ASTN2: variants seen among roughly 807,000 people sequenced by gnomAD.
ASTN2 encodes the protein astrotactin 2.
A neutral mutation model predicts 139.8 loss-of-function variants in ASTN2; 54 were observed. That is an observed-to-expected ratio of 0.39 (90% confidence interval 0.31 to 0.48). The LOEUF (loss-of-function observed/expected upper bound fraction) is 0.48. ASTN2 is among the 20% of genes least tolerant of loss of function. ASTN2 has a pLI of 0.95. For synonymous variants in ASTN2, 756 were observed against 719.5 expected, an observed-to-expected ratio of 1.05 and a Z score of -0.81; for missense variants, 1,565 against 1,725.1, an observed-to-expected ratio of 0.91 and a Z score of 1.64.
At chr9:116,824,925 T>C (rs1831584362) in intron 11 of ASTN2, among the ~76,000 whole-genome samples, 1 of 152,224 alleles carries the variant, frequency 6.6e-6, no homozygotes, top group Non-Finnish European at 1.5e-5. Context: ...ATAAAAACTC[T>C]GCAAACTAGG....
At chr9:116,730,013 G>C (rs752816111) in intron 14 of ASTN2, among the ~76,000 whole-genome samples, 1 of 152,114 alleles carries the variant, frequency 6.6e-6, no homozygotes, top group Non-Finnish European at 1.5e-5. Flanking sequence ...TTGGGCGGTG[G>C]TAAATGAAAA....
At chr9:117,044,939 T>C (rs138038873) in intron 5 of ASTN2, among the ~76,000 whole-genome samples, 1 of 152,266 alleles carries the variant, frequency 6.6e-6, no homozygotes, top group East Asian at 1.9e-4. Flanking sequence ...ATTAAATGAC[T>C]TGTGTAAGGA....
chr9:116,915,527 A>G (rs1834418583), intron 10 of ASTN2, among the ~76,000 whole-genome samples: 1 of 152,182 alleles, frequency 6.6e-6, no homozygotes, highest in African/African-American at 2.4e-5. Flanking sequence ...GCAAGCCATG[A>G]TTAGAAACTT....
chr9:116,814,740 A>G (rs1209161190), intron 12 of ASTN2, among the ~76,000 whole-genome samples: 1 of 152,202 alleles, frequency 6.6e-6, no homozygotes, highest in Admixed American at 6.5e-5. Context: ...AGAGGCAGTT[A>G]GGAGTGCAGA....
chr9:117,165,035 T>G (rs1830638512), intron 3 of ASTN2, among the ~76,000 whole-genome samples: 2 of 151,904 alleles, frequency 1.3e-5, no homozygotes, highest in Non-Finnish European at 2.9e-5. Flanking sequence ...GTAGATGAAG[T>G]ATTTGAACAT....
chr9:116,924,273 A>T (rs568047040), intron 10 of ASTN2, among the ~76,000 whole-genome samples: 62 of 151,432 alleles, frequency 4.1e-4, no homozygotes, highest in East Asian at 3.9e-3. Flanking sequence ...AAAAAAAAAA[A>T]AAAAAACTTA....
At chr9:116,537,878 T>C (rs1402464619) in intron 19 of ASTN2, among the ~76,000 whole-genome samples, 1 of 152,192 alleles carries the variant, frequency 6.6e-6, no homozygotes, top group African/African-American at 2.4e-5. Context: ...GTACCATTTG[T>C]AAATACAAGG....
chr9:116,837,276 T>C (rs1832031437), intron 11 of ASTN2, among the ~76,000 whole-genome samples: 1 of 152,098 alleles, frequency 6.6e-6, no homozygotes, highest in African/African-American at 2.4e-5. Context: ...TTATAGTAAG[T>C]AGGTGAGAAA....
chr9:117,082,981 C>A (rs1389798817), intron 5 of ASTN2, among the ~76,000 whole-genome samples: 1 of 152,116 alleles, frequency 6.6e-6, no homozygotes, highest in Non-Finnish European at 1.5e-5. Context: ...TCATGAGTCT[C>A]CTGATTACAT....
At chr9:116,636,525 A>T (rs1245551229) in intron 17 of ASTN2, among the ~76,000 whole-genome samples, 1 of 152,042 alleles carries the variant, frequency 6.6e-6, no homozygotes, top group Non-Finnish European at 1.5e-5. Flanking sequence ...AAATACAAAT[A>T]TTAGCCAGAT....
intron 19 of ASTN2, chr9:116,612,715 A>T (rs529576349): frequency 6.6e-6 from 1 of 152,156 alleles, no homozygotes; most frequent in Non-Finnish European, 1.5e-5. Flanking sequence ...GACACATTTA[A>T]AGCAGTGTGT....
intron 16 of ASTN2, among the ~76,000 whole-genome samples, chr9:116,669,168 T>C (rs1433827024): frequency 1.3e-5 from 2 of 152,174 alleles, no homozygotes; most frequent in Non-Finnish European, 2.9e-5. Context: ...GGTTACTATC[T>C]TTTTCCACAG....
chr9:116,526,465 A>T (rs1294806752), intron 19 of ASTN2, among the ~76,000 whole-genome samples: 1 of 151,680 alleles, frequency 6.6e-6, no homozygotes, highest in African/African-American at 2.4e-5. Context: ...TACAAGAACA[A>T]CAAAAAATTA....
At chr9:116,505,899 T>C (rs748973162) in intron 19 of ASTN2, among the ~76,000 whole-genome samples, 2 of 152,158 alleles carry the variant, frequency 1.3e-5, no homozygotes, top group African/African-American at 2.4e-5. Context: ...CATGGTTCAC[T>C]TCCTCCCACT....
At chr9:116,760,650 C>T (rs768853827) in intron 13 of ASTN2, among the ~76,000 whole-genome samples, 1 of 151,854 alleles carries the variant, frequency 6.6e-6, no homozygotes, top group Non-Finnish European at 1.5e-5. Flanking sequence ...TTTTTTCCTT[C>T]TAGATTGTGC....
chr9:117,387,230 C>T (rs948812146), intron 1 of ASTN2, among the ~76,000 whole-genome samples: 3 of 152,154 alleles, frequency 2.0e-5, no homozygotes, highest in South Asian at 4.1e-4. Flanking sequence ...AATTTAAGTA[C>T]ACTATATTCT....
At chr9:117,158,747 C>T (rs1458429686) in intron 3 of ASTN2, among the ~76,000 whole-genome samples, 1 of 151,958 alleles carries the variant, frequency 6.6e-6, no homozygotes, top group African/African-American at 2.4e-5. Context: ...GAAGACTGAA[C>T]TTGAAACTTT....
chr9:117,175,533 A>G (rs911431425), intron 3 of ASTN2, among the ~76,000 whole-genome samples: 5 of 152,156 alleles, frequency 3.3e-5, no homozygotes, highest in African/African-American at 1.2e-4. Context: ...TCTGATACCA[A>G]GATATTACAA....
At chr9:117,314,395 T>A (rs1211627024) in intron 1 of ASTN2, among the ~76,000 whole-genome samples, 1 of 151,982 alleles carries the variant, frequency 6.6e-6, no homozygotes, top group Non-Finnish European at 1.5e-5. Flanking sequence ...GAAAGCAAGT[T>A]CACTTCTCTT....
Sources: allele counts gnomAD v4.1 joint callset (sites outside exome capture counted in the v4.1 genomes callset), GRCh38; gene constraint gnomAD v4.1.1; transcripts MANE v1.5; gene names NCBI Gene and HGNC (gene_info 2026-07-23, HGNC 2026-07-21).